The following NEBL variants were observed in gnomAD, a reference collection of about 807,000 sequenced individuals.
The protein encoded by NEBL is nebulette, also known as LIM and SH3 protein 2.
Under a neutral mutation model 140.2 loss-of-function variants are expected in NEBL, and 122 were observed. The ratio of observed to expected loss-of-function variants is 0.87; its 90% CI spans 0.75 to 1.01. The LOEUF (loss-of-function observed/expected upper bound fraction) is 1.01, where lower values mean the gene tolerates loss of function less well. NEBL is among the 50% of genes least tolerant of loss of function. The pLI is 0.00. For synonymous variants in NEBL, 436 were observed against 398.9 expected (o/e 1.09, Z -1.11); for missense variants, 1,365 against 1,231.3 (o/e 1.11, Z -1.62).
chr10:20,795,622 T>A (rs1836430592), intron 26 of NEBL, among the ~76,000 whole-genome samples: 1 of 152,140 alleles, frequency 6.6e-6, no homozygotes, highest in African/African-American at 2.4e-5. Flanking sequence ...TACCAACCTA[T>A]TTTATCCAGG....
intron 4 of NEBL, among the ~76,000 whole-genome samples, chr10:20,908,879 T>C (rs1257155522): frequency 1.3e-5 from 2 of 152,230 alleles, no homozygotes; most frequent in African/African-American, 4.8e-5. Context: ...TGCTATTCTG[T>C]TCCTTACCTG....
intron 3 of NEBL, among the ~76,000 whole-genome samples, chr10:21,241,345 G>A (rs574784473): frequency 3.8e-4 from 58 of 151,782 alleles, no homozygotes; most frequent in Non-Finnish European, 6.9e-4. Context: ...CCAGGGGGCC[G>A]CCTGCGGGAT....
intron 1 of NEBL, among the ~76,000 whole-genome samples, chr10:21,256,401 G>A (rs1251541968): frequency 6.6e-6 from 1 of 152,144 alleles, no homozygotes; most frequent in East Asian, 1.9e-4. Context: ...ATAGGCTGAG[G>A]TATGCTGAAG....
chr10:20,976,643 A>G (rs887736215), intron 3 of NEBL, among the ~76,000 whole-genome samples: 2 of 152,202 alleles, frequency 1.3e-5, no homozygotes, highest in African/African-American at 4.8e-5. Context: ...GCTAGAGGCC[A>G]TTATCCTAAG....
intron 16 of NEBL, among the ~76,000 whole-genome samples, chr10:20,830,694 A>G (rs958349997): frequency 1.3e-5 from 2 of 151,606 alleles, no homozygotes; most frequent in Non-Finnish European, 2.9e-5. Flanking sequence ...ATTTTTCTGT[A>G]GTATTAGCAA....
Position 21,173,908 on chromosome 10 carries a change from C to T in NEBL, c.-75G>A. On this transcript the variant is annotated 5_prime_UTR_variant, in exon 1 of 7. Coordinates refer to the NEBL transcript ENST00000417816. This position sits in a 1 kb window ranked among gnomAD's most constrained non-coding sequence, Gnocchi z 5.7. ...GCCGCTGTGACATCCCCCGGCGAGCCCCGCACCGCCTCCTGGCAGGCGGGA... is the reference window on the plus strand; with the variant it reads ...GCCGCTGTGACATCCCCCGGCGAGCTCCGCACCGCCTCCTGGCAGGCGGGA... 3.2e-6 allele frequency: 5 copies of T among 1,562,598 alleles called. No individual in the cohort carries two copies. The highest frequency in any genetic ancestry group is 4.3e-6 in the Non-Finnish European group (5 of 1,161,020).
chr10:20,964,108 C>A (rs1241877033), intron 3 of NEBL, among the ~76,000 whole-genome samples: 1 of 152,170 alleles, frequency 6.6e-6, no homozygotes, highest in Non-Finnish European at 1.5e-5. Context: ...GAACAGAGGA[C>A]AGAGGGAAAT....
At chr10:20,892,676 C>A (rs150841195) in intron 2 of NEBL, among the ~76,000 whole-genome samples, 91 of 152,294 alleles carry the variant, frequency 6.0e-4, no homozygotes, top group Middle Eastern at 3.4e-3. Context: ...ACAAATCCCA[C>A]GTCTCCATTA....
rs117050323 is a variant in NEBL, at chr10:21,023,136, C to T, written c.165-2935G>A. Among the ~76,000 whole-genome samples, 1,352 of 152,318 alleles carry T rather than the reference C, an allele frequency of 8.9e-3. 14 individuals are homozygous for T. The highest frequency in any genetic ancestry group is 0.021 in the Admixed American group (316 of 15,292). ...CTGTATTTTAAAGCTATAGTAACAA[C>T]TGAGCATGTTTTCTTGTGTTTTGTT... On this transcript the variant is annotated intron_variant, in intron 2 of 6. Coordinates refer to the NEBL transcript ENST00000417816.
chr10:20,795,041 T>A (rs141764161), intron 26 of NEBL, among the ~76,000 whole-genome samples: 1 of 152,322 alleles, frequency 6.6e-6, no homozygotes, highest in African/African-American at 2.4e-5. Context: ...AACTCTTGAC[T>A]ATACTAAACC....
intron 3 of NEBL, among the ~76,000 whole-genome samples, chr10:20,975,876 A>C (rs1179754764): frequency 6.6e-6 from 1 of 152,150 alleles, no homozygotes; most frequent in Non-Finnish European, 1.5e-5. Flanking sequence ...GGTGTTATTT[A>C]ATCAGTCAAG....
At chr10:20,982,583 T>A (rs1395709988) in intron 3 of NEBL, among the ~76,000 whole-genome samples, 4 of 152,194 alleles carry the variant, frequency 2.6e-5, no homozygotes, top group African/African-American at 9.6e-5. Context: ...ATATTTCTGT[T>A]GAAAAGATGT....
intron 2 of NEBL, among the ~76,000 whole-genome samples, chr10:21,168,355 TG>T (rs1840883051): frequency 1.3e-5 from 2 of 152,242 alleles, no homozygotes; most frequent in African/African-American, 2.4e-5. Flanking sequence ...TAATTATGGA[TG>T]TTTTTTCATA....
chr10:21,132,272 T>C (rs973848945), intron 2 of NEBL, among the ~76,000 whole-genome samples: 2 of 152,180 alleles, frequency 1.3e-5, no homozygotes, highest in African/African-American at 2.4e-5. Context: ...TCTAGCTTAA[T>C]GTTTTCAGGA....
At chr10:20,819,702 T>C (rs1393325840) in intron 19 of NEBL, among the ~76,000 whole-genome samples, 186 bp from the exon 20 acceptor site, 1 of 151,992 alleles carries the variant, frequency 6.6e-6, no homozygotes, top group East Asian at 1.9e-4. Context: ...AGTCTTTTCC[T>C]TGTCAAGTGG....
chr10:20,909,946 TA>T (rs796503228), intron 4 of NEBL, among the ~76,000 whole-genome samples: 63 of 152,314 alleles, frequency 4.1e-4, no homozygotes, highest in African/African-American at 1.3e-3. Flanking sequence ...AAAGCTTAAT[TA>T]AAATAGTGAA....
intron 2 of NEBL, among the ~76,000 whole-genome samples, chr10:21,105,334 C>A (rs1164309856): frequency 6.6e-6 from 1 of 151,998 alleles, no homozygotes; most frequent in African/African-American, 2.4e-5. Context: ...TATCCCTCCC[C>A]CAGTCCCCTA....
intron 7 of NEBL, among the ~76,000 whole-genome samples, chr10:20,862,343 A>G (rs2131171533): frequency 6.6e-6 from 1 of 152,344 alleles, no homozygotes; most frequent in South Asian, 2.1e-4. Flanking sequence ...AGTTTCCCTC[A>G]TTAATGAACC....
intron 1 of NEBL, among the ~76,000 whole-genome samples, chr10:21,282,099 G>A (rs1417521668): frequency 1.3e-5 from 2 of 152,146 alleles, no homozygotes; most frequent in African/African-American, 4.8e-5. Context: ...TTTGAAGGGA[G>A]AGGTTGAAAA....
Sources: gnomAD v4.1 joint callset for allele counts (sites outside exome capture counted in the v4.1 genomes callset) on GRCh38, gnomAD v4.1.1 for gene constraint, Gnocchi (gnomAD v3.1) non-coding constraint, MANE v1.5 for transcripts, NCBI Gene and HGNC (gene_info 2026-07-23, HGNC 2026-07-21) for gene names.